The following NINL variants were observed in gnomAD, a reference collection of about 807,000 sequenced individuals.
NINL encodes ninein like, also known as ninein-like protein.
NINL carries 153 observed loss-of-function variants against 160.3 expected under a neutral mutation model. The observed-to-expected ratio is 0.95, with a 90% confidence interval of 0.84 to 1.09. The LOEUF is 1.09. Among genes scored for constraint, NINL ranks in the 50% least tolerant of loss-of-function variants. The pLI is 0.00. For missense variants in NINL, 1,829 were observed against 1,764.0 expected, an observed-to-expected ratio of 1.04 and a Z score of -0.66; for synonymous variants, 800 against 734.8, an observed-to-expected ratio of 1.09 and a Z score of -1.43.
chr20:25,498,326 G>A lies in NINL; in HGVS notation c.1053C>T (p.Asp351=), dbSNP rs41274450. The A allele has an allele frequency of 5.4e-3, 8,680 of 1,612,932 alleles. 41 individuals carry two copies. The highest frequency in any genetic ancestry group is 6.2e-3 in the Non-Finnish European group (7,312 of 1,180,004). ...EILQSLDFSV[D]EKVNLLELTW... ...TCAGCTCCAGAAGGTTCACCTTCTCGTCCACGCTGAAGTCCAGGCTCTGGA... is the reference window on the plus strand; with the variant it reads ...TCAGCTCCAGAAGGTTCACCTTCTCATCCACGCTGAAGTCCAGGCTCTGGA... Residue 351 remains aspartate, a synonymous_variant, in exon 9 of 24, where the codon GAC becomes GAT. Coordinates refer to ENST00000278886, the MANE Select transcript of NINL (RefSeq NM_025176.6).
chr20:25,507,543 C>A (rs974228762), intron 5 of NINL, among the ~76,000 whole-genome samples: 1 of 152,212 alleles, frequency 6.6e-6, no homozygotes, highest in African/African-American at 2.4e-5. Flanking sequence ...TCATCCACAC[C>A]ACCTAGCCCA....
intron 5 of NINL, among the ~76,000 whole-genome samples, chr20:25,508,237 G>A (rs377311026): frequency 6.6e-6 from 1 of 152,314 alleles, no homozygotes; most frequent in African/African-American, 2.4e-5. Context: ...TGGTCCAAGG[G>A]GTGCTGTTTA....
Position 25,503,456 on chromosome 20 carries a change from C to T in NINL, c.861+496G>A, listed in dbSNP as rs1193629766. 1.1e-4 allele frequency among the ~76,000 whole-genome samples: 13 copies of T among 117,392 alleles called. No individual in the cohort carries two copies. In the South Asian group the frequency reaches 2.8e-3, roughly 25 times the overall value. 77.0% of individuals were successfully genotyped at this position (117,392 alleles called of 152,430 possible). A position where few individuals can be genotyped will look rare whatever the true frequency, so the allele number is the denominator to read the frequency against. ...CCAGGAGGTGGGCACCTGAGCAGCA[C>T]GTTCCTCACCTGAGCACTGCCTCCT... On this transcript the variant is annotated intron_variant, in intron 7 of 23. Transcript: ENST00000278886.
intron 17 of NINL, among the ~76,000 whole-genome samples, chr20:25,471,739 C>G (rs1019519693): frequency 1.3e-5 from 2 of 152,228 alleles, no homozygotes; most frequent in Non-Finnish European, 2.9e-5. Flanking sequence ...TGGACACCTG[C>G]ACCAGACAGG....
chr20:25,490,265 G>A (rs542735492), intron 11 of NINL, among the ~76,000 whole-genome samples: 3 of 152,286 alleles, frequency 2.0e-5, no homozygotes, highest in South Asian at 4.1e-4. Flanking sequence ...TGAGTCATAC[G>A]AGAAAGGGTG....
Position 25,561,508 on chromosome 20 carries a change from G to C in NINL, c.-12+23947C>G, listed in dbSNP as rs1484802837. ...CCTGGCCGCCCATCGTCTGGGATGT[G>C]AGGAGCCCCTCTGCCTGGCTGCCCA... On this transcript the variant is annotated intron_variant, in intron 1 of 23. Coordinates refer to ENST00000278886, the MANE Select transcript of NINL (RefSeq NM_025176.6). Among the ~76,000 whole-genome samples, 5 of 151,984 alleles carry C rather than the reference G, an allele frequency of 3.3e-5. 1 individual carries two copies. The highest frequency in any genetic ancestry group is 9.7e-5 in the African/African-American group (4 of 41,446).
At position 25,522,187 on chromosome 20, in the gene NINL, C is replaced by A. The variant is rs113376889; in HGVS notation, c.180+4221G>T. Among the ~76,000 whole-genome samples, 1,036 of 152,302 alleles carry A rather than the reference C, an allele frequency of 6.8e-3. 6 individuals carry two copies. The highest frequency in any genetic ancestry group is 0.02 in the Middle Eastern group (6 of 294). ...CCTACCAAAGTACTGGGATTACAGA[C>A]CTGAGCCACCATGCCAAGCCTATCG... is the stretch of plus-strand genomic sequence containing the variant. On this transcript the variant is annotated intron_variant, in intron 2 of 23. Transcript: ENST00000278886.
chr20:25,576,621 G>C (rs1307075017), intron 1 of NINL, among the ~76,000 whole-genome samples: 1 of 150,000 alleles, frequency 6.7e-6, no homozygotes, highest in Non-Finnish European at 1.5e-5. Flanking sequence ...ACTGTGCCTA[G>C]CTAATTTTTC....
At position 25,510,707 on chromosome 20, in the gene NINL, T is replaced by G. The variant is rs1417303765; in HGVS notation, c.484A>C (p.Lys162Gln). Reference protein sequence around the residue: ...PKSDEEAESTKEAQNELFEAQ... With the variant: ...PKSDEEAESTQEAQNELFEAQ... The stretch of plus-strand genomic sequence containing the variant: ...TCAAATAATTCATTCTGAGCTTCTT[T>G]AGTGCTCTCGGCCTCTTCATCTGAC... The change falls in exon 5 of 24, where the codon AAA becomes CAA. Residue 162 changes from lysine to glutamine, a missense_variant. Coordinates refer to ENST00000278886, the MANE Select transcript of NINL (RefSeq NM_025176.6). 2 of 1,613,986 alleles carry G rather than the reference T, an allele frequency of 1.2e-6. No homozygotes were observed. The highest frequency in any genetic ancestry group is 1.7e-6 in the Non-Finnish European group (2 of 1,179,988).
Position 25,505,018 on chromosome 20 carries a change from G to A in NINL, c.578C>T (p.Ser193Phe). Residue 193 changes from serine (S) to phenylalanine (F), a missense_variant, in exon 6 of 24, where the codon TCC becomes TTC. By Grantham distance (155) the Ser-to-Phe change is radical (BLOSUM62 -2). Coordinates refer to ENST00000278886, the MANE Select transcript of NINL (RefSeq NM_025176.6). Reference sequence around the variant, plus strand: ...GATCTGGCTCTCTGGGGTGTCAAAGGAGGGGCTGCAGGACTTCTGGGGGCT... The same window carrying A: ...GATCTGGCTCTCTGGGGTGTCAAAGAAGGGGCTGCAGGACTTCTGGGGGCT... ...FGSPQKSCSP[S>F]FDTPESQIRG... 6.2e-7 allele frequency: 1 copy of A among 1,613,294 alleles called. No individual in the cohort carries two copies. Among genetic ancestry groups the A allele is most frequent in the Non-Finnish European group, 8.5e-7 (1 of 1,179,602 alleles).
intron 13 of NINL, among the ~76,000 whole-genome samples, chr20:25,483,958 G>A (rs756596659): frequency 8.5e-5 from 13 of 152,176 alleles, no homozygotes; most frequent in Non-Finnish European, 1.9e-4. Flanking sequence ...GTGATGCCAC[G>A]GGACTTCCAG....
At chr20:25,496,612 AGGG>A (rs2063758593) in intron 10 of NINL, 48 bp downstream of exon 10, 1 of 1,602,134 alleles carries the variant, frequency 6.2e-7, no homozygotes, top group Non-Finnish European at 8.5e-7. Flanking sequence ...CTGCCCTCAA[AGGG>A]GCTGGGGAGG....
intron 11 of NINL, among the ~76,000 whole-genome samples, chr20:25,490,474 G>C (rs1354481922): frequency 1.3e-5 from 2 of 151,790 alleles, no homozygotes; most frequent in Admixed American, 6.6e-5. Context: ...GCAGGAGAAT[G>C]GTGGGAACCT....
At chr20:25,545,225 T>C (rs564581513) in intron 1 of NINL, among the ~76,000 whole-genome samples, 4 of 152,312 alleles carry the variant, frequency 2.6e-5, no homozygotes, top group Admixed American at 6.5e-5. Context: ...TAAATCTACA[T>C]TTTACGTAAG....
chr20:25,453,423 C>T lies in NINL; in HGVS notation c.*28G>A, dbSNP rs16987767. 67,263 of 1,560,240 alleles carry T rather than the reference C, an allele frequency of 0.043. 1,663 individuals are homozygous for T. The highest frequency in any genetic ancestry group is 0.085 in the Middle Eastern group (494 of 5,822). ...TGGCTTAATTTAAAAGATGTGCTTT[C>T]GAATGAATCCTAGAAAATAATCTGT... On this transcript the variant is annotated 3_prime_UTR_variant, in exon 24 of 24. Transcript: ENST00000278886.
At chr20:25,583,329 T>C (rs1488315616) in intron 1 of NINL, among the ~76,000 whole-genome samples, 8 of 152,126 alleles carry the variant, frequency 5.3e-5, no homozygotes, top group African/African-American at 1.7e-4. Context: ...CAGACACTTC[T>C]CAAAAGAAGA....
At position 25,470,011 on chromosome 20, in the gene NINL, TTC is replaced by T. The variant is rs2063054182; in HGVS notation, c.3331_3332del (p.Glu1111LysfsTer11). The T allele has an allele frequency of 6.2e-6, 10 of 1,613,994 alleles. No homozygotes were observed. Among genetic ancestry groups the T allele is most frequent in the African/African-American group, 1.3e-5 (1 of 74,936 alleles). On this transcript the variant is annotated frameshift_variant, in exon 18 of 24. Coordinates refer to ENST00000278886, the MANE Select transcript of NINL (RefSeq NM_025176.6). LOFTEE classifies it high-confidence loss of function. ...GRVRQELEAA[E>X]STHDAQRKEI... ...CTTACCTCTGTGCATCGTGAGTACTTTCTGCAGCTTCAAGCTCTTGCCGAACC... is the reference window on the plus strand; with the variant it reads ...CTTACCTCTGTGCATCGTGAGTACTTTGCAGCTTCAAGCTCTTGCCGAACC...
intron 11 of NINL, 138 bp from the exon 12 acceptor site, chr20:25,490,123 T>G (rs952777785): frequency 1.3e-6 from 1 of 781,618 alleles, no homozygotes; most frequent in East Asian, 2.6e-5. Context: ...AGGCACCTGG[T>G]GCTGTGCAGG....
intron 1 of NINL, among the ~76,000 whole-genome samples, chr20:25,536,295 A>G (rs1187450544): frequency 6.6e-6 from 1 of 152,190 alleles, no homozygotes; most frequent in South Asian, 2.1e-4. Context: ...CAGGCCAGGG[A>G]TGGGAGGTGA....
Sources: allele counts gnomAD v4.1 joint callset (sites outside exome capture counted in the v4.1 genomes callset), GRCh38; gene constraint gnomAD v4.1.1; transcripts MANE v1.5; gene names NCBI Gene and HGNC (gene_info 2026-07-23, HGNC 2026-07-21).